Variants in DYNLT2 observed in about 807,000 individuals in gnomAD.
DYNLT2 encodes dynein light chain Tctex-type protein 2.
DYNLT2 carries 24 observed loss-of-function variants against 24.3 expected under a neutral mutation model. The observed-to-expected ratio is 0.99, with a 90% CI of 0.71 to 1.39. The LOEUF is 1.39. Among genes scored for constraint, DYNLT2 ranks in the 40% most tolerant of loss-of-function variants. The pLI is 0.00. For synonymous variants in DYNLT2, 85 were observed against 85.4 expected (o/e 1.00, Z 0.03); for missense variants, 246 against 234.5 (o/e 1.05, Z -0.32).
At chr6:169,747,066 T>C (rs1789824530) in intron 1 of DYNLT2, among the ~76,000 whole-genome samples, 1 of 151,556 alleles carries the variant, frequency 6.6e-6, no homozygotes. Flanking sequence ...TACCTTTGCT[T>C]TTTGAACGAT....
intron 1 of DYNLT2, chr6:169,750,646 A>G (rs183831792): frequency 3.3e-5 from 5 of 152,344 alleles, no homozygotes; most frequent in African/African-American, 1.2e-4. Flanking sequence ...TCCCAGCTCT[A>G]TCATTACAGC....
At chr6:169,747,304 G>A (rs1168513831) in intron 1 of DYNLT2, among the ~76,000 whole-genome samples, 8 of 151,986 alleles carry the variant, frequency 5.3e-5, no homozygotes, top group Non-Finnish European at 8.8e-5. Flanking sequence ...CATGTGTCTT[G>A]TGCTTGGAGT....
the DYNLT2 span, among the ~76,000 whole-genome samples, chr6:169,728,771 A>G: frequency 2.0e-5 from 3 of 152,238 alleles, no homozygotes; most frequent in African/African-American, 7.2e-5. Flanking sequence ...ACAACTTACC[A>G]ATAGTAGTGT....
the DYNLT2 span, among the ~76,000 whole-genome samples, chr6:169,731,443 C>T: frequency 9.9e-5 from 15 of 152,194 alleles, no homozygotes; most frequent in South Asian, 4.1e-4. Context: ...GGAGATGAGA[C>T]GTAAGGCAAA....
intron 3 of DYNLT2, among the ~76,000 whole-genome samples, 191 bp from the exon 4 acceptor site, chr6:169,740,486 A>T (rs918683757): frequency 6.6e-6 from 1 of 152,192 alleles, no homozygotes; most frequent in African/African-American, 2.4e-5. Context: ...CTTCTTCTTT[A>T]CCGGAGGCTG....
chr6:169,731,842 A>G, the DYNLT2 span, among the ~76,000 whole-genome samples: 3 of 152,180 alleles, frequency 2.0e-5, no homozygotes, highest in African/African-American at 7.2e-5. Flanking sequence ...AACAGAACTA[A>G]AGGTAATTTG....
the DYNLT2 span, among the ~76,000 whole-genome samples, chr6:169,726,870 A>G: frequency 6.6e-6 from 1 of 152,226 alleles, no homozygotes; most frequent in African/African-American, 2.4e-5. Flanking sequence ...CCCTGGAAAT[A>G]CTGATAAGGG....
Position 169,751,524 on chromosome 6 carries a change from G to C in DYNLT2, c.-66C>G, listed in dbSNP as rs1228382937. On this transcript the variant is annotated 5_prime_UTR_variant, in exon 1 of 4. Transcript: ENST00000366774. ...CGCCGGCGGTCAAACGCCCTAGCCAGTCCCGCGAGGGCGGAAGTCTCCCAC... is the reference window on the plus strand; with the variant it reads ...CGCCGGCGGTCAAACGCCCTAGCCACTCCCGCGAGGGCGGAAGTCTCCCAC... The C allele has an allele frequency of 1.2e-6, 2 of 1,610,510 alleles. No individual in the cohort carries two copies. The highest frequency in any genetic ancestry group is 1.7e-6 in the Non-Finnish European group (2 of 1,178,766).
At chr6:169,736,492 G>A (rs1179345210), downstream of DYNLT2, among the ~76,000 whole-genome samples, 1 of 151,772 alleles carries the variant, frequency 6.6e-6, no homozygotes, top group South Asian at 2.1e-4. Context: ...TTCAGGAGCT[G>A]TTGCAGAGCA....
intron 3 of DYNLT2, among the ~76,000 whole-genome samples, chr6:169,740,994 A>G (rs1212216866): frequency 3.3e-5 from 5 of 152,130 alleles, no homozygotes; most frequent in Non-Finnish European, 7.4e-5. Context: ...TTTTTAGTAG[A>G]GATGGGGTTT....
the DYNLT2 span, among the ~76,000 whole-genome samples, chr6:169,731,471 G>T: frequency 6.6e-6 from 1 of 152,256 alleles, no homozygotes; most frequent in African/African-American, 2.4e-5. Flanking sequence ...GGCCCATTGG[G>T]TTTTCTCCCT....
Position 169,744,110 on chromosome 6 carries a change from G to C in DYNLT2, c.285C>G (p.Phe95Leu), listed in dbSNP as rs200788665. The stretch of plus-strand genomic sequence containing the variant: ...CTTTAGTTTCTACTGAATGAGCTTG[G>C]AATTTCTTCAATGGCTCCATTCTAT... ...NSYRMEPLKK[F>L]QAHSVETKVQ... Residue 95 changes from phenylalanine (F) to leucine (L), a missense_variant, in exon 2 of 4, where the codon TTC (phenylalanine) becomes TTG (leucine). By Grantham distance (22) the Phe-to-Leu change is conservative. Coordinates refer to ENST00000366774, the MANE Select transcript of DYNLT2 (RefSeq NM_174910.3). 1.6e-5 allele frequency: 25 copies of C among 1,612,728 alleles called. No individual in the cohort carries two copies. The highest frequency in any genetic ancestry group is 1.9e-5 in the Non-Finnish European group (23 of 1,179,972).
Position 169,744,220 on chromosome 6 carries a change from C to G in DYNLT2, c.175G>C (p.Val59Leu). 1 of 1,613,748 alleles carries G rather than the reference C, an allele frequency of 6.2e-7. No individual in the cohort carries two copies. The highest frequency in any genetic ancestry group is 8.5e-7 in the Non-Finnish European group (1 of 1,179,956). Residue 59 changes from valine to leucine, a missense_variant, in exon 2 of 4, where the codon GTG becomes CTG. Physicochemically the swap from Val to Leu is conservative, Grantham distance 32. Transcript: ENST00000366774. Reference protein sequence around the residue: ...LRESIHNVQYVEPPFDDSIAD... With the variant: ...LRESIHNVQYLEPPFDDSIAD... ...ATTGAGTCATCAAAAGGAGGCTCCA[C>G]ATACTGAACATTGTGAATTGACTCT...
the DYNLT2 span, chr6:169,725,305 C>T: frequency 2.5e-6 from 1 of 398,538 alleles, no homozygotes; most frequent in Non-Finnish European, 4.4e-6. Context: ...CCTTTCCATT[C>T]ATTATAGTTG....
At chr6:169,750,565 G>A (rs1789970088) in intron 1 of DYNLT2, 1 of 152,100 alleles carries the variant, frequency 6.6e-6, no homozygotes, top group Non-Finnish European at 1.5e-5. Context: ...TCCTATTATA[G>A]GTCCACGAAG....
chr6:169,741,010 T>C (rs1789667509), intron 3 of DYNLT2, among the ~76,000 whole-genome samples: 1 of 152,114 alleles, frequency 6.6e-6, no homozygotes, highest in African/African-American at 2.4e-5. Flanking sequence ...GGTTTCACCA[T>C]GTTGACCAAG....
chr6:169,743,332 A>G, intron 2 of DYNLT2, 94 bp from the exon 3 acceptor site: 1 of 576,486 alleles, frequency 1.7e-6, no homozygotes, highest in East Asian at 3.7e-5. Flanking sequence ...TAATATATAT[A>G]TAACTGTTTT....
chr6:169,751,091 C>T, intron 1 of DYNLT2: 2 of 439,196 alleles, frequency 4.6e-6, no homozygotes, highest in Non-Finnish European at 8.0e-6. Flanking sequence ...ACCACCCTTC[C>T]AATCGACTTA....
chr6:169,727,572 G>T, the DYNLT2 span, among the ~76,000 whole-genome samples: 1 of 150,500 alleles, frequency 6.6e-6, no homozygotes. Context: ...TTGTTTTTTT[G>T]TTTTTTTTTG....
Sources: gnomAD v4.1 joint callset for allele counts (sites outside exome capture counted in the v4.1 genomes callset) on GRCh38, gnomAD v4.1.1 for gene constraint, MANE v1.5 for transcripts, NCBI Gene and HGNC (gene_info 2026-07-23, HGNC 2026-07-21) for gene names.